The following C7 variants were observed in gnomAD, a reference collection of about 807,000 sequenced individuals.
C7 encodes the protein complement C7.
C7 carries 83 observed loss-of-function variants against 104.8 expected under a neutral mutation model. That is an observed-to-expected ratio of 0.79 (90% CI 0.66 to 0.95). The LOEUF (loss-of-function observed/expected upper bound fraction) is 0.95. Among genes scored for constraint, C7 ranks in the 40% least tolerant of loss-of-function variants. C7 has a pLI of 0.00. For missense variants in C7, 1,070 were observed against 1,011.2 expected (o/e 1.06, Z -0.79); for synonymous variants, 415 against 360.6 (o/e 1.15, Z -1.71).
chr5:40,941,274 G>C (rs1281851223), intron 6 of C7, among the ~76,000 whole-genome samples: 2 of 151,944 alleles, frequency 1.3e-5, no homozygotes, highest in Non-Finnish European at 2.9e-5. Flanking sequence ...ATGTCGGTCA[G>C]GCTGGTCTCG....
At position 40,958,170 on chromosome 5, in the gene C7, T is replaced by C; in HGVS notation, c.1398T>C (p.Ala466=). The C allele has an allele frequency of 6.2e-7, 1 of 1,613,874 alleles. No individual in the cohort carries two copies. ...GGCCTTGTCAAAATGGTGGTTTGGCTACTGTTGAGGGGACCCATTGTCTGT... is the reference window on the plus strand; with the variant it reads ...GGCCTTGTCAAAATGGTGGTTTGGCCACTGTTGAGGGGACCCATTGTCTGT... The part of the protein sequence containing the change: ...HCRPCQNGGL[A]TVEGTHCLCH... Residue 466 remains alanine (A), a synonymous_variant, in exon 11 of 18, where the codon GCT becomes GCC. Coordinates refer to ENST00000313164, the MANE Select transcript of C7 (RefSeq NM_000587.4).
intron 6 of C7, among the ~76,000 whole-genome samples, chr5:40,944,776 A>T (rs1448878501): frequency 1.3e-5 from 2 of 152,250 alleles, no homozygotes; most frequent in African/African-American, 4.8e-5. Context: ...AGAACATTCC[A>T]AAACAAAGTC....
intron 14 of C7, among the ~76,000 whole-genome samples, chr5:40,965,662 G>A (rs1000920602): frequency 8.4e-5 from 9 of 107,134 alleles, no homozygotes; most frequent in African/African-American, 3.4e-4. Flanking sequence ...TTTTTTTGGA[G>A]ACAGAGTCTC....
chr5:40,927,752 C>T (rs1387451608), intron 1 of C7, among the ~76,000 whole-genome samples: 1 of 152,118 alleles, frequency 6.6e-6, no homozygotes, highest in Non-Finnish European at 1.5e-5. Context: ...TATCATCTCA[C>T]ACCTGTCAGA....
intron 14 of C7, among the ~76,000 whole-genome samples, chr5:40,969,947 A>AT (rs556530091): frequency 1.3e-4 from 19 of 151,358 alleles, no homozygotes; most frequent in South Asian, 1.3e-3. Flanking sequence ...CAGTCTTTCT[A>AT]TTTTTTTTGT....
chr5:40,958,334 A>G (rs963885807), intron 11 of C7, 73 bp downstream of exon 11: 2 of 891,912 alleles, frequency 2.2e-6, no homozygotes, highest in African/African-American at 3.4e-5. Context: ...CTGCTCCTTG[A>G]GATGCTTCTT....
At chr5:40,923,392 T>A (rs1739481844) in intron 1 of C7, among the ~76,000 whole-genome samples, 1 of 152,120 alleles carries the variant, frequency 6.6e-6, no homozygotes, top group African/African-American at 2.4e-5. Context: ...CAGGGAGATT[T>A]TACTCATGGT....
At position 40,955,563 on chromosome 5, in the gene C7, G is replaced by C. The variant is rs1740272598; in HGVS notation, c.1260+10G>C. On this transcript the variant is annotated intron_variant, in intron 10 of 17. Transcript: ENST00000313164. ...AGTCATAAAACAAAAGGTATGTCAGGCTTTGTTTAAAGCAATAGGAAGCAG... is the reference window on the plus strand; with the variant it reads ...AGTCATAAAACAAAAGGTATGTCAGCCTTTGTTTAAAGCAATAGGAAGCAG... The C allele has an allele frequency of 1.2e-6, 2 of 1,607,468 alleles. No individual in the cohort carries two copies. Among genetic ancestry groups the C allele is most frequent in the Middle Eastern group, 1.7e-4 (1 of 6,032 alleles).
At chr5:40,974,582 AT>A (rs962802447) in intron 15 of C7, among the ~76,000 whole-genome samples, 3 of 150,688 alleles carry the variant, frequency 2.0e-5, no homozygotes, top group East Asian at 1.9e-4. Context: ...TGCCCGGCTA[AT>A]TTTTTTTTGT....
At chr5:40,946,945 C>A (rs1561247762) in intron 7 of C7, among the ~76,000 whole-genome samples, 1 of 151,756 alleles carries the variant, frequency 6.6e-6, no homozygotes, top group East Asian at 1.9e-4. Flanking sequence ...GTAATCCCAG[C>A]TACTCAAGTG....
chr5:40,960,157 C>G (rs956881825), intron 12 of C7, among the ~76,000 whole-genome samples: 3 of 152,158 alleles, frequency 2.0e-5, no homozygotes, highest in African/African-American at 4.8e-5. Context: ...TGGCACTAAA[C>G]TTCCCATTTG....
chr5:40,957,312 T>C (rs576889734), intron 10 of C7, among the ~76,000 whole-genome samples: 1 of 152,342 alleles, frequency 6.6e-6, no homozygotes, highest in East Asian at 1.9e-4. Context: ...TAATAATGTT[T>C]ACCTGTTTTA....
At chr5:40,971,433 G>A (rs1364694000) in intron 14 of C7, among the ~76,000 whole-genome samples, 1 of 152,110 alleles carries the variant, frequency 6.6e-6, no homozygotes, top group African/African-American at 2.4e-5. Context: ...TGATGGGGTT[G>A]CTTGTTTTTC....
At chr5:40,969,286 T>C (rs137893660) in intron 14 of C7, among the ~76,000 whole-genome samples, 1 of 152,314 alleles carries the variant, frequency 6.6e-6, no homozygotes, top group East Asian at 1.9e-4. Context: ...ATTTTCTAAT[T>C]CTCTGTTGTA....
At chr5:40,981,371 C>T in intron 17 of C7, 21 bp from the exon 18 acceptor site, 2 of 1,600,590 alleles carry the variant, frequency 1.2e-6, no homozygotes, top group South Asian at 1.1e-5. Context: ...ACCATTAAGC[C>T]TCTTTCACTT....
chr5:40,915,176 G>C (rs919927553), intron 1 of C7, among the ~76,000 whole-genome samples: 2 of 152,180 alleles, frequency 1.3e-5, no homozygotes, highest in African/African-American at 4.8e-5. Context: ...GAGAGATAAA[G>C]AATCAGCAGT....
chr5:40,976,850 G>A lies in C7; in HGVS notation c.2165+10G>A, dbSNP rs777461819. On this transcript the variant is annotated intron_variant, in intron 16 of 17. Transcript: ENST00000313164. The stretch of plus-strand genomic sequence containing the variant: ...TGCCCTACGAATGTGGGTAAGTGCC[G>A]CCTTTGCTCATTTCTCTGTTTTATT... 2.7e-5 allele frequency: 43 copies of A among 1,576,422 alleles called. No individual in the cohort carries two copies. The highest frequency in any genetic ancestry group is 3.3e-4 in the Middle Eastern group (2 of 5,974).
At chr5:40,980,313 G>A (rs1467905662) in intron 17 of C7, 2 of 154,316 alleles carry the variant, frequency 1.3e-5, no homozygotes, top group East Asian at 1.9e-4. Flanking sequence ...AACTATAAAA[G>A]TTATATGTAA....
chr5:40,917,070 G>A (rs1193013888), intron 1 of C7, among the ~76,000 whole-genome samples: 1 of 151,424 alleles, frequency 6.6e-6, no homozygotes, highest in Non-Finnish European at 1.5e-5. Flanking sequence ...GGGAGGCAGA[G>A]GTTGCAGTGA....
Sources: gnomAD v4.1 joint callset for allele counts (sites outside exome capture counted in the v4.1 genomes callset) on GRCh38, gnomAD v4.1.1 for gene constraint, MANE v1.5 for transcripts, NCBI Gene and HGNC (gene_info 2026-07-23, HGNC 2026-07-21) for gene names.